Variants in BRINP3 observed in about 807,000 individuals in gnomAD.
The protein encoded by BRINP3 is BMP/retinoic acid inducible neural specific 3, also known as BMP/retinoic acid-inducible neural-specific protein 3.
In BRINP3, 19 loss-of-function variants were observed where a neutral mutation model predicts 71.0. The observed-to-expected ratio is 0.27, with a 90% CI of 0.19 to 0.39. The LOEUF (loss-of-function observed/expected upper bound fraction) is 0.39, where lower values mean the gene tolerates loss of function less well. Among genes scored for constraint, BRINP3 ranks in the 10% least tolerant of loss-of-function variants. BRINP3 has a pLI of 1.00. For synonymous variants in BRINP3, 380 were observed against 337.7 expected (o/e 1.13, Z -1.37); for missense variants, 959 against 940.8 (o/e 1.02, Z -0.25).
intron 6 of BRINP3, among the ~76,000 whole-genome samples, chr1:190,184,642 T>A (rs1653347149): frequency 6.6e-6 from 1 of 151,924 alleles, no homozygotes. Context: ...AGAAAAAAAA[T>A]ACTTTGTCTT....
intron 2 of BRINP3, among the ~76,000 whole-genome samples, chr1:190,282,798 GT>G: frequency 6.6e-6 from 1 of 152,030 alleles, no homozygotes; most frequent in Non-Finnish European, 1.5e-5. Context: ...ATTTTTTAAA[GT>G]TTTAAATTCT....
intron 6 of BRINP3, among the ~76,000 whole-genome samples, chr1:190,218,692 C>T (rs1040859103): frequency 6.6e-6 from 1 of 151,882 alleles, no homozygotes; most frequent in East Asian, 1.9e-4. Flanking sequence ...TCCGGTCTAA[C>T]TGAAACTTTG....
chr1:190,160,746 G>A lies in BRINP3; in HGVS notation c.1106C>T (p.Ala369Val), dbSNP rs1280054860. The part of the protein sequence containing the change: ...ENSMKQLFLK[A>V]QKIVHKLFSL... ...AAAAAGCTTGTGTACAATTTTCTGC[G>A]CCTTTAGGAAAAGTTGTTTCATGCT... is the stretch of plus-strand genomic sequence containing the variant. Residue 369 changes from alanine to valine, a missense_variant, in exon 7 of 8, where the codon GCG becomes GTG. By Grantham distance (64) the Ala-to-Val change is moderately conservative (BLOSUM62 0). Coordinates refer to ENST00000367462, the MANE Select transcript of BRINP3 (RefSeq NM_199051.3). The A allele has an allele frequency of 7.4e-6, 12 of 1,613,326 alleles. No homozygotes were observed. The highest frequency in any genetic ancestry group is 1.7e-5 in the Admixed American group (1 of 59,896).
intron 7 of BRINP3, among the ~76,000 whole-genome samples, chr1:190,147,464 C>T (rs1655990931): frequency 6.6e-6 from 1 of 152,114 alleles, no homozygotes; most frequent in African/African-American, 2.4e-5. Flanking sequence ...TCTAAAGACA[C>T]TTTATATATA....
intron 6 of BRINP3, among the ~76,000 whole-genome samples, chr1:190,177,581 A>G (rs1343461768): frequency 6.6e-6 from 1 of 152,124 alleles, no homozygotes; most frequent in African/African-American, 2.4e-5. Context: ...AAGGTAAAAT[A>G]GTTTACCAAA....
intron 4 of BRINP3, among the ~76,000 whole-genome samples, chr1:190,246,134 T>C (rs1490001525): frequency 6.6e-6 from 1 of 152,050 alleles, no homozygotes; most frequent in Non-Finnish European, 1.5e-5. Context: ...ATTTTTAAAG[T>C]ATGTATTTGT....
chr1:190,419,866 A>T (rs1673255857), intron 2 of BRINP3, among the ~76,000 whole-genome samples: 1 of 151,816 alleles, frequency 6.6e-6, no homozygotes, highest in Non-Finnish European at 1.5e-5. Flanking sequence ...CTGATTAGAA[A>T]AAAAAAATAC....
chr1:190,251,141 T>C (rs1660104624), intron 4 of BRINP3, among the ~76,000 whole-genome samples: 1 of 151,916 alleles, frequency 6.6e-6, no homozygotes, highest in African/African-American at 2.4e-5. Context: ...AATTGGTTTC[T>C]TTTGGAAAGG....
chr1:190,343,083 A>G (rs1170010169), intron 2 of BRINP3, among the ~76,000 whole-genome samples: 1 of 151,822 alleles, frequency 6.6e-6, no homozygotes, highest in African/African-American at 2.4e-5. Context: ...CAATCAAAGT[A>G]CAGGTTGAAG....
At chr1:190,171,885 T>G (rs1652042678) in intron 6 of BRINP3, among the ~76,000 whole-genome samples, 1 of 151,966 alleles carries the variant, frequency 6.6e-6, no homozygotes, top group Non-Finnish European at 1.5e-5. Flanking sequence ...GGCAGGAGAA[T>G]TGCTTGACAC....
intron 1 of BRINP3, among the ~76,000 whole-genome samples, chr1:190,466,220 C>T (rs1403384192): frequency 6.6e-6 from 1 of 151,090 alleles, no homozygotes; most frequent in East Asian, 1.9e-4. Context: ...TCATACTGCT[C>T]TAAATAATGG....
At chr1:190,194,731 A>G (rs560986047) in intron 6 of BRINP3, among the ~76,000 whole-genome samples, 2 of 152,210 alleles carry the variant, frequency 1.3e-5, no homozygotes, top group African/African-American at 4.8e-5. Context: ...GATTAATTCA[A>G]CTGAAGCCCT....
chr1:190,417,960 G>T (rs1673117513), intron 2 of BRINP3, among the ~76,000 whole-genome samples: 1 of 152,120 alleles, frequency 6.6e-6, no homozygotes, highest in Non-Finnish European at 1.5e-5. Context: ...ATGATATAAA[G>T]ACAGAAGTTT....
intron 2 of BRINP3, among the ~76,000 whole-genome samples, chr1:190,382,677 A>G (rs1670624263): frequency 6.6e-6 from 1 of 152,160 alleles, no homozygotes; most frequent in Non-Finnish European, 1.5e-5. Flanking sequence ...GACAATTCAA[A>G]TGCCCTTCTA....
Position 190,454,828 on chromosome 1 carries a change from T to C in BRINP3, c.63A>G (p.Ile21Met), listed in dbSNP as rs1432298740. ...AAACCCAGCAATGAAGACTCAGTGCTATCCACTCCCATAGAGCCATCAGAG... is the reference window on the plus strand; with the variant it reads ...AAACCCAGCAATGAAGACTCAGTGCCATCCACTCCCATAGAGCCATCAGAG... The part of the protein sequence containing the change: ...LFSLMALWEW[I>M]ALSLHCWVLA... The change falls in exon 2 of 8, where the codon ATA (isoleucine) becomes ATG (methionine). Residue 21 changes from isoleucine (I) to methionine (M), a missense_variant. Ile to Met is a conservative substitution (Grantham distance 10). Coordinates refer to ENST00000367462, the MANE Select transcript of BRINP3 (RefSeq NM_199051.3). The C allele has an allele frequency of 3.1e-6, 5 of 1,614,078 alleles. No homozygotes were observed. The highest frequency in any genetic ancestry group is 3.4e-6 in the Non-Finnish European group (4 of 1,180,046).
intron 2 of BRINP3, among the ~76,000 whole-genome samples, chr1:190,289,135 C>A (rs1663660553): frequency 6.6e-6 from 1 of 151,520 alleles, no homozygotes; most frequent in South Asian, 2.1e-4. Context: ...AGTAAGAAGG[C>A]AAAATGAAGG....
rs200453414 is a variant in BRINP3 at position 190,281,656 on chromosome 1, T to C, written c.331A>G (p.Ile111Val). 61 of 1,613,098 alleles carry C rather than the reference T, an allele frequency of 3.8e-5. No individual in the cohort carries two copies. The highest frequency in any genetic ancestry group is 6.7e-5 in the Admixed American group (4 of 59,850). The change falls in exon 3 of 8, where the codon ATA (isoleucine) becomes GTA (valine). Residue 111 changes from isoleucine to valine, a missense_variant. By Grantham distance (29) the Ile-to-Val change is conservative. Transcript: ENST00000367462. ...LPLAPEFFRN[I>V]RLLGRRPTLQ... ...GTAGGTCGACGTCCCAAAAGTCTTA[T>C]GTTGCGGAAGAATTCAGGGGCAAGA... is the stretch of plus-strand genomic sequence containing the variant.
intron 2 of BRINP3, among the ~76,000 whole-genome samples, chr1:190,326,082 A>T (rs191143942): frequency 6.1e-4 from 93 of 152,084 alleles, no homozygotes; most frequent in African/African-American, 2.1e-3. Flanking sequence ...AAACATCTTT[A>T]AAAAAAATCA....
intron 4 of BRINP3, among the ~76,000 whole-genome samples, chr1:190,263,993 G>T (rs1661426879): frequency 6.6e-6 from 1 of 152,072 alleles, no homozygotes; most frequent in African/African-American, 2.4e-5. Flanking sequence ...ACTATGAAAG[G>T]TTAGATTTGA....
Sources: allele counts gnomAD v4.1 joint callset (sites outside exome capture counted in the v4.1 genomes callset), GRCh38; gene constraint gnomAD v4.1.1; transcripts MANE v1.5; gene names NCBI Gene and HGNC (gene_info 2026-07-23, HGNC 2026-07-21).